Variants in DIAPH3 observed in about 807,000 individuals in gnomAD.
The protein encoded by DIAPH3 is diaphanous related formin 3.
DIAPH3 carries 117 observed loss-of-function variants against 144.3 expected under a neutral mutation model. The observed-to-expected ratio is 0.81, with a 90% CI of 0.70 to 0.95. The LOEUF (loss-of-function observed/expected upper bound fraction) is 0.95. DIAPH3 is among the 40% of genes least tolerant of loss of function. DIAPH3 has a pLI of 0.00. For missense variants in DIAPH3, 1,421 were observed against 1,412.7 expected, an observed-to-expected ratio of 1.01 and a Z score of -0.09; for synonymous variants, 519 against 488.9, an observed-to-expected ratio of 1.06 and a Z score of -0.81.
rs185696491 is a variant in DIAPH3 at position 59,859,769 on chromosome 13, C to T, written c.2737+1638G>A. On this transcript the variant is annotated intron_variant, in intron 22 of 27. Coordinates refer to ENST00000400324, the MANE Select transcript of DIAPH3 (RefSeq NM_001042517.2). ...GAGGTAAAAGTTATTTTGAATATCA[C>T]TGAGTGATTCTGAATGTTTACAACC... Among the ~76,000 whole-genome samples the T allele has an allele frequency of 2.1e-3, 326 of 152,252 alleles. 1 individual carries two copies. The highest frequency in any genetic ancestry group is 5.8e-3 in the African/African-American group (241 of 41,552).
intron 27 of DIAPH3, among the ~76,000 whole-genome samples, chr13:59,754,349 C>T (rs2139139236): frequency 6.6e-6 from 1 of 152,264 alleles, no homozygotes; most frequent in Middle Eastern, 3.4e-3. Flanking sequence ...TGAGACAATG[C>T]AAATAATACA....
At position 60,040,639 on chromosome 13, in the gene DIAPH3, T is replaced by C. The variant is rs188523163; in HGVS notation, c.626+2051A>G. ...TAAATAAAGGGTCTACTCCTCATTA[T>C]ATTGAAAAACTATGAATATTTCCAG... is the stretch of plus-strand genomic sequence containing the variant. On this transcript the variant is annotated intron_variant, in intron 5 of 27. Coordinates refer to ENST00000400324, the MANE Select transcript of DIAPH3 (RefSeq NM_001042517.2). Among the ~76,000 whole-genome samples, 39 of 152,296 alleles carry C rather than the reference T, an allele frequency of 2.6e-4. 1 individual carries two copies. Among genetic ancestry groups the C allele is most frequent in the Middle Eastern group, 3.4e-3 (1 of 294 alleles).
At chr13:59,923,475 C>T (rs2047610981) in intron 18 of DIAPH3, among the ~76,000 whole-genome samples, 1 of 152,094 alleles carries the variant, frequency 6.6e-6, no homozygotes, top group South Asian at 2.1e-4. Context: ...AGCAAACACA[C>T]ACAAATTATT....
chr13:59,706,020 G>A (rs1019964325), intron 27 of DIAPH3, among the ~76,000 whole-genome samples: 1 of 151,566 alleles, frequency 6.6e-6, no homozygotes, highest in Non-Finnish European at 1.5e-5. Context: ...ATTGTTCTAG[G>A]ACCTCCCAAG....
At chr13:59,676,836 A>C (rs1240097209) in intron 27 of DIAPH3, among the ~76,000 whole-genome samples, 1 of 152,216 alleles carries the variant, frequency 6.6e-6, no homozygotes, top group Non-Finnish European at 1.5e-5. Context: ...TCATTAGAGA[A>C]TTCAGTCCTG....
At chr13:60,105,303 C>T (rs1282825637) in intron 3 of DIAPH3, among the ~76,000 whole-genome samples, 1 of 152,106 alleles carries the variant, frequency 6.6e-6, no homozygotes, top group Non-Finnish European at 1.5e-5. Flanking sequence ...AAGGCCTTCA[C>T]AGGTATACAC....
At chr13:59,747,031 C>T (rs2036740026) in intron 27 of DIAPH3, among the ~76,000 whole-genome samples, 1 of 152,078 alleles carries the variant, frequency 6.6e-6, no homozygotes, top group Non-Finnish European at 1.5e-5. Context: ...GACTCGTTTT[C>T]TTAGGAGCAA....
Position 60,132,916 on chromosome 13 carries a change from G to C in DIAPH3, c.213+41C>G, listed in dbSNP as rs369849836. On this transcript the variant is annotated intron_variant, in intron 2 of 27. Coordinates refer to ENST00000400324, the MANE Select transcript of DIAPH3 (RefSeq NM_001042517.2). ...GCACACCATCAACGTTATATGGTTA[G>C]TTACAATTCATAACAAAGGAAAAGT... 6.4e-6 allele frequency: 10 copies of C among 1,551,400 alleles called. No individual in the cohort carries two copies. The African/African-American group carries it at 1.4e-4, about 21-fold the overall frequency.
intron 17 of DIAPH3, among the ~76,000 whole-genome samples, chr13:59,927,268 C>T (rs1039080200): frequency 6.6e-6 from 1 of 152,026 alleles, no homozygotes; most frequent in Non-Finnish European, 1.5e-5. Context: ...TTTTTTTAAT[C>T]CATTCAGCCA....
In DIAPH3 at chr13:60,051,916, G is replaced by A. The variant is rs968500701; in HGVS notation, c.496-9096C>T. Among the ~76,000 whole-genome samples, 3 of 152,136 alleles carry A rather than the reference G, an allele frequency of 2.0e-5. No homozygotes were observed. In the South Asian group the frequency reaches 6.2e-4, roughly 32 times the overall value. Reference sequence around the variant, plus strand: ...AATTGTTTTCAGGAAGTAAAGAATTGCAATAAAAATGGTCATGTGGTAGGA... The same window carrying A: ...AATTGTTTTCAGGAAGTAAAGAATTACAATAAAAATGGTCATGTGGTAGGA... On this transcript the variant is annotated intron_variant, in intron 4 of 27. Coordinates refer to ENST00000400324, the MANE Select transcript of DIAPH3 (RefSeq NM_001042517.2).
chr13:60,122,191 A>G (rs942859141), intron 2 of DIAPH3, among the ~76,000 whole-genome samples: 6 of 152,216 alleles, frequency 3.9e-5, no homozygotes, highest in African/African-American at 1.4e-4. Context: ...CTTACACTGT[A>G]TGATCTAGAG....
At chr13:59,746,503 T>C (rs2036712005) in intron 27 of DIAPH3, among the ~76,000 whole-genome samples, 1 of 152,088 alleles carries the variant, frequency 6.6e-6, no homozygotes, top group Admixed American at 6.6e-5. Flanking sequence ...ACATTACAGG[T>C]GTGAGCCACT....
At chr13:59,874,921 A>G (rs1001073711) in intron 21 of DIAPH3, among the ~76,000 whole-genome samples, 2 of 152,144 alleles carry the variant, frequency 1.3e-5, no homozygotes, top group African/African-American at 4.8e-5. Context: ...ACATTATTAA[A>G]CACATGTTAT....
chr13:60,070,238 C>T (rs1370634888), intron 4 of DIAPH3, among the ~76,000 whole-genome samples: 1 of 147,954 alleles, frequency 6.8e-6, no homozygotes, highest in African/African-American at 2.5e-5. Flanking sequence ...CCTTTTGTGG[C>T]TACTGTAAAT....
intron 18 of DIAPH3, among the ~76,000 whole-genome samples, chr13:59,921,491 T>TA (rs2047518468): frequency 6.6e-6 from 1 of 151,654 alleles, no homozygotes; most frequent in Non-Finnish European, 1.5e-5. Context: ...AAAAAATGGA[T>TA]AAAATCCTAG....
At chr13:59,701,811 C>T (rs1023430354) in intron 27 of DIAPH3, among the ~76,000 whole-genome samples, 1 of 152,296 alleles carries the variant, frequency 6.6e-6, no homozygotes, top group African/African-American at 2.4e-5. Flanking sequence ...GCATTCTTAC[C>T]ACCCTGTATT....
intron 2 of DIAPH3, among the ~76,000 whole-genome samples, chr13:60,121,358 A>G (rs557098405): frequency 6.6e-6 from 1 of 152,282 alleles, no homozygotes; most frequent in South Asian, 2.1e-4. Context: ...TTGGTGGTCC[A>G]TGGACCACAA....
At chr13:60,119,186 G>A (rs971054388) in intron 2 of DIAPH3, among the ~76,000 whole-genome samples, 4 of 152,096 alleles carry the variant, frequency 2.6e-5, no homozygotes, top group Non-Finnish European at 5.9e-5. Flanking sequence ...GCTCCTTCTT[G>A]GGAGTATGCC....
chr13:60,006,150 G>T (rs2052863087), intron 9 of DIAPH3, among the ~76,000 whole-genome samples: 3 of 152,050 alleles, frequency 2.0e-5, no homozygotes. Flanking sequence ...TTAATTTGTA[G>T]TTAATTAAAA....
Sources: allele counts gnomAD v4.1 joint callset (sites outside exome capture counted in the v4.1 genomes callset), GRCh38; gene constraint gnomAD v4.1.1; transcripts MANE v1.5; gene names NCBI Gene and HGNC (gene_info 2026-07-23, HGNC 2026-07-21).